KAZN: variants seen among roughly 807,000 people sequenced by gnomAD.
The protein encoded by KAZN is kazrin, periplakin interacting protein, also known as kazrin.
In KAZN, 40 loss-of-function variants were observed where a neutral mutation model predicts 87.4. The ratio of observed to expected loss-of-function variants is 0.46; its 90% CI spans 0.36 to 0.60. KAZN has a LOEUF of 0.60. KAZN is among the 20% of genes least tolerant of loss of function. KAZN has a pLI of 0.00. For synonymous variants in KAZN, 466 were observed against 458.3 expected, an observed-to-expected ratio of 1.02 and a Z score of -0.22; for missense variants, 898 against 1,073.9, an observed-to-expected ratio of 0.84 and a Z score of 2.29.
At chr1:14,118,575 G>A (rs1035993630) in intron 1 of KAZN, among the ~76,000 whole-genome samples, 1 of 152,244 alleles carries the variant, frequency 6.6e-6, no homozygotes, top group African/African-American at 2.4e-5. Context: ...TGGAAACCAT[G>A]TAATGGGGTA....
chr1:14,727,450 C>CTTTTTTTTT (rs57203868), intron 1 of KAZN, among the ~76,000 whole-genome samples: 70 of 73,882 alleles, frequency 9.5e-4, no homozygotes, highest in Non-Finnish European at 1.4e-3. Flanking sequence ...TGTGCACTTT[C>CTTTTTTTTT]TTTTTTTTTT....
At chr1:13,935,088 T>C (rs1483106860) in intron 1 of KAZN, among the ~76,000 whole-genome samples, 1 of 149,922 alleles carries the variant, frequency 6.7e-6, no homozygotes, top group East Asian at 1.9e-4. Context: ...GATAGAAAAA[T>C]TAGCCAGGTG....
intron 1 of KAZN, among the ~76,000 whole-genome samples, chr1:13,914,062 C>T (rs1384634081): frequency 1.3e-5 from 2 of 152,184 alleles, no homozygotes; most frequent in Non-Finnish European, 2.9e-5. Flanking sequence ...GCTCGAGAAC[C>T]AATGTGCTAG....
Position 14,519,023 on chromosome 1 carries a change from C to T in KAZN, c.250-79960C>T, listed in dbSNP as rs756555720. On this transcript the variant is annotated intron_variant, in intron 2 of 16. Transcript: ENST00000636203. ...GGCAAGTATTTTGCCTTCTTTGGGC[C>T]ACCATTTCCTTAGCCATAGGTGAGG... 7.9e-4 allele frequency among the ~76,000 whole-genome samples: 120 copies of T among 152,260 alleles called. 1 individual carries two copies. The highest frequency in any genetic ancestry group is 8.8e-4 in the Non-Finnish European group (60 of 68,016).
At chr1:14,762,478 C>T (rs1031732789) in intron 1 of KAZN, among the ~76,000 whole-genome samples, 1 of 128,456 alleles carries the variant, frequency 7.8e-6, no homozygotes, top group Admixed American at 7.5e-5. Flanking sequence ...GTAATCCCAG[C>T]ACTTTGGGAG....
At chr1:14,435,895 G>A (rs909728288) in intron 2 of KAZN, among the ~76,000 whole-genome samples, 3 of 152,122 alleles carry the variant, frequency 2.0e-5, no homozygotes, top group South Asian at 2.1e-4. Context: ...AGGGCCTAAC[G>A]ATATGGGTGA....
chr1:14,082,962 G>A (rs971062875), intron 1 of KAZN, among the ~76,000 whole-genome samples: 3 of 152,228 alleles, frequency 2.0e-5, no homozygotes, highest in Admixed American at 6.5e-5. Context: ...TTGGGAGGCC[G>A]AGGCGGGTGG....
intron 1 of KAZN, among the ~76,000 whole-genome samples, chr1:14,080,075 A>G (rs1381126188): frequency 9.1e-6 from 1 of 109,734 alleles, no homozygotes; most frequent in Non-Finnish European, 2.0e-5. Context: ...TTTTGGGGGG[A>G]TGTAAACATT....
chr1:14,747,071 T>G (rs554565759), intron 1 of KAZN, among the ~76,000 whole-genome samples: 3 of 152,282 alleles, frequency 2.0e-5, no homozygotes, highest in Middle Eastern at 3.4e-3. Flanking sequence ...GTACCCCGTA[T>G]AAGCAGAATC....
intron 2 of KAZN, among the ~76,000 whole-genome samples, chr1:14,474,532 C>T (rs546058226): frequency 8.5e-5 from 13 of 152,248 alleles, no homozygotes; most frequent in South Asian, 4.1e-4. Context: ...AACAGTTGAC[C>T]GGCATAGCTG....
At chr1:14,058,826 G>A (rs557243265) in intron 1 of KAZN, among the ~76,000 whole-genome samples, 3 of 152,320 alleles carry the variant, frequency 2.0e-5, no homozygotes, top group African/African-American at 7.2e-5. Context: ...AGGATGAAAA[G>A]GAACCAGCAT....
intron 2 of KAZN, among the ~76,000 whole-genome samples, chr1:14,487,576 CT>C (rs931582998): frequency 1.3e-5 from 2 of 152,190 alleles, no homozygotes; most frequent in African/African-American, 4.8e-5. Context: ...GAGCCAAAGA[CT>C]TTTATTTTGT....
chr1:13,945,333 G>C (rs757463287), intron 1 of KAZN, among the ~76,000 whole-genome samples: 2 of 152,078 alleles, frequency 1.3e-5, no homozygotes, highest in Non-Finnish European at 2.9e-5. Flanking sequence ...CATTAGCAGG[G>C]AATGGTGGCC....
intron 1 of KAZN, among the ~76,000 whole-genome samples, chr1:14,944,528 A>G (rs1442328549): frequency 6.6e-6 from 1 of 152,168 alleles, no homozygotes; most frequent in Non-Finnish European, 1.5e-5. Context: ...GGGGGACACG[A>G]ATGAACTGCC....
rs185191751 is a variant in KAZN, at chr1:14,794,072, C to T, written c.227-166612C>T. Among the ~76,000 whole-genome samples, 31 of 152,316 alleles carry T rather than the reference C, an allele frequency of 2.0e-4. No individual in the cohort carries two copies. The East Asian group carries it at 3.1e-3, about 15-fold the overall frequency. ...GCGTTTGCTAAAATCTCACCTTGAGCCTCAGCTCTCCTCTCCTGTGCTCCT... is the reference window on the plus strand; with the variant it reads ...GCGTTTGCTAAAATCTCACCTTGAGTCTCAGCTCTCCTCTCCTGTGCTCCT... On this transcript the variant is annotated intron_variant, in intron 1 of 14. Coordinates refer to ENST00000376030, the MANE Select transcript of KAZN (RefSeq NM_201628.3).
At chr1:14,367,561 G>C (rs1438777494) in intron 2 of KAZN, among the ~76,000 whole-genome samples, 1 of 152,158 alleles carries the variant, frequency 6.6e-6, no homozygotes, top group Non-Finnish European at 1.5e-5. Flanking sequence ...TCCCAGGCTT[G>C]AGGGTGGAGC....
chr1:15,043,025 T>G (rs1673074984), intron 3 of KAZN, among the ~76,000 whole-genome samples: 1 of 152,218 alleles, frequency 6.6e-6, no homozygotes, highest in Admixed American at 6.5e-5. Context: ...GGCTCTGCTC[T>G]GGGGACTGGC....
At chr1:13,965,428 A>G (rs922458775) in intron 1 of KAZN, among the ~76,000 whole-genome samples, 14 of 151,620 alleles carry the variant, frequency 9.2e-5, no homozygotes, top group African/African-American at 2.9e-4. Flanking sequence ...GATATGACAG[A>G]TGTTCAACAA....
intron 1 of KAZN, among the ~76,000 whole-genome samples, chr1:14,723,452 C>T (rs1387065672): frequency 6.6e-6 from 1 of 152,226 alleles, no homozygotes; most frequent in Non-Finnish European, 1.5e-5. Context: ...TGAGCTTGCT[C>T]ATCACGGCCT....
Sources: allele counts gnomAD v4.1 joint callset (sites outside exome capture counted in the v4.1 genomes callset), GRCh38; gene constraint gnomAD v4.1.1; transcripts MANE v1.5; gene names NCBI Gene and HGNC (gene_info 2026-07-23, HGNC 2026-07-21).